Variants in ARHGAP39 observed in about 807,000 individuals in gnomAD.
ARHGAP39 encodes the protein Rho GTPase activating protein 39.
ARHGAP39 carries 44 observed loss-of-function variants against 106.9 expected under a neutral mutation model. The ratio of observed to expected loss-of-function variants is 0.41; its 90% CI spans 0.32 to 0.53. ARHGAP39 has a LOEUF of 0.53. Among genes scored for constraint, ARHGAP39 ranks in the 20% least tolerant of loss-of-function variants. The pLI is 0.21. For synonymous variants in ARHGAP39, 768 were observed against 693.2 expected (o/e 1.11, Z -1.69); for missense variants, 1,496 against 1,577.3 (o/e 0.95, Z 0.87).
At chr8:144,686,688 C>T (rs552818015), upstream of ARHGAP39, among the ~76,000 whole-genome samples, 2 of 152,322 alleles carry the variant, frequency 1.3e-5, no homozygotes, top group South Asian at 4.1e-4. Context: ...TCGCCGCCCG[C>T]GCTTCCCTGT....
upstream of ARHGAP39, among the ~76,000 whole-genome samples, chr8:144,688,728 G>C (rs1345958636): frequency 2.0e-5 from 3 of 152,142 alleles, no homozygotes; most frequent in Non-Finnish European, 2.9e-5. Flanking sequence ...GTCTCAGAAA[G>C]TAAAACAATA....
chr8:144,673,548 C>G (rs1386876939), intron 1 of ARHGAP39, among the ~76,000 whole-genome samples: 4 of 152,262 alleles, frequency 2.6e-5, no homozygotes, highest in African/African-American at 9.6e-5. Context: ...CTGTCATCCC[C>G]TAGCCCTTGG....
intron 2 of ARHGAP39, among the ~76,000 whole-genome samples, chr8:144,594,682 G>A (rs1333799031): frequency 1.2e-4 from 16 of 132,548 alleles, no homozygotes; most frequent in African/African-American, 4.3e-4. Context: ...CAACAAAAGC[G>A]AAACGCCACC....
At chr8:144,618,852 C>A (rs1048329041) in intron 1 of ARHGAP39, among the ~76,000 whole-genome samples, 8 of 152,260 alleles carry the variant, frequency 5.3e-5, no homozygotes, top group Non-Finnish European at 1.0e-4. Flanking sequence ...GTGAGCAGGA[C>A]CGCGGGCGCA....
rs1284976026 is a variant in ARHGAP39 at position 144,646,747 on chromosome 8, G to A, written c.-82+38939C>T. Among the ~76,000 whole-genome samples, 2 of 152,212 alleles carry A rather than the reference G, an allele frequency of 1.3e-5. No individual in the cohort carries two copies. Among genetic ancestry groups the A allele is most frequent in the African/African-American group, 2.4e-5 (1 of 41,460 alleles). On this transcript the variant is annotated intron_variant, in intron 1 of 11. Coordinates refer to ENST00000377307, the MANE Select transcript of ARHGAP39 (RefSeq NM_025251.3). This position sits in a 1 kb window ranked among gnomAD's most constrained non-coding sequence, Gnocchi z 5.7. ...ACCTGCAGGAGACAGCCTGGTCCTG[G>A]TGAGACCCTCGCTGGGCCCAGAGTC...
rs575686736 is a variant in ARHGAP39, at chr8:144,624,186, G to C, written c.-81-18491C>G. Among the ~76,000 whole-genome samples the C allele has an allele frequency of 5.9e-5, 9 of 152,328 alleles. No individual in the cohort carries two copies. The East Asian group carries it at 1.7e-3, about 29-fold the overall frequency. On this transcript the variant is annotated intron_variant, in intron 1 of 11. Transcript: ENST00000377307. ...CTGTAAGCCACACCCACCTGCACCT[G>C]TGCCTGCCATGTTAGCCCCAGTGAC...
intron 1 of ARHGAP39, among the ~76,000 whole-genome samples, chr8:144,627,693 G>A (rs1820961128): frequency 6.6e-6 from 1 of 152,198 alleles, no homozygotes; most frequent in Non-Finnish European, 1.5e-5. Context: ...AGGAGGTTGA[G>A]GCTACAGTGA....
intron 8 of ARHGAP39, among the ~76,000 whole-genome samples, chr8:144,533,841 C>A (rs967440141): frequency 4.6e-5 from 7 of 151,956 alleles, no homozygotes; most frequent in Non-Finnish European, 8.8e-5. Context: ...GCTCTTGGGA[C>A]AGGTCCAGGG....
chr8:144,672,170 G>A (rs1228838062), intron 1 of ARHGAP39, among the ~76,000 whole-genome samples: 3 of 152,350 alleles, frequency 2.0e-5, no homozygotes, highest in East Asian at 1.9e-4. Flanking sequence ...AATAGAAACA[G>A]CACCTAGAGT....
chr8:144,685,255 TCACA>T (rs1344290350), intron 1 of ARHGAP39, among the ~76,000 whole-genome samples: 13 of 129,178 alleles, frequency 1.0e-4, no homozygotes, highest in African/African-American at 2.4e-4. Flanking sequence ...AGGGGCACAC[TCACA>T]CTCACTCTGG....
intron 1 of ARHGAP39, among the ~76,000 whole-genome samples, chr8:144,616,054 C>T (rs949818053): frequency 2.0e-5 from 3 of 152,236 alleles, no homozygotes; most frequent in Admixed American, 6.5e-5. Context: ...ACGGAAAGGA[C>T]GGTGCTGGTT....
intron 6 of ARHGAP39, among the ~76,000 whole-genome samples, chr8:144,539,160 C>T (rs2360220): frequency 0.03 from 4,518 of 152,242 alleles, 198 homozygotes; most frequent in African/African-American, 0.098. Context: ...TGCCAGGAAA[C>T]CACTGCTTGC....
In ARHGAP39 at chr8:144,545,486, C is replaced by T. The variant is rs369180270; in HGVS notation, c.2284G>A (p.Asp762Asn). ...ACCTCCAGGGCCACGTGCAGTGGGT[C>T]GGCCTTGGCCCGCCGGTCACCCATG... The part of the protein sequence containing the change: ...MYMGDRRAKA[D>N]PLHVALEVAT... The change falls in exon 6 of 12, where the codon GAC becomes AAC. Residue 762 changes from aspartate to asparagine, a missense_variant. Coordinates refer to ENST00000377307, the MANE Select transcript of ARHGAP39 (RefSeq NM_025251.3). The T allele has an allele frequency of 2.7e-5, 44 of 1,602,870 alleles. No homozygotes were observed. The highest frequency in any genetic ancestry group is 4.0e-5 in the African/African-American group (3 of 74,704).
At chr8:144,556,146 G>A (rs1378597609) in intron 3 of ARHGAP39, among the ~76,000 whole-genome samples, 4 of 151,944 alleles carry the variant, frequency 2.6e-5, no homozygotes, top group Admixed American at 6.6e-5. Flanking sequence ...TTAGCCAGGC[G>A]TGGTGGCGGG....
rs1440968388 is a variant in ARHGAP39, at chr8:144,679,008, G to T, written c.-82+6678C>A. 6.6e-6 allele frequency among the ~76,000 whole-genome samples: 1 copy of T among 152,086 alleles called. No individual in the cohort carries two copies. The highest frequency in any genetic ancestry group is 2.4e-5 in the African/African-American group (1 of 41,454). ...AGAGGACCTGGAGCCGTACCACATG[G>T]CAGCTGAGAGGGGGACCCAGCACGC... On this transcript the variant is annotated intron_variant, in intron 1 of 11. Transcript: ENST00000377307. This position sits in a 1 kb window ranked among gnomAD's most constrained non-coding sequence, Gnocchi z 4.7.
chr8:144,627,320 C>T (rs1189349086), intron 1 of ARHGAP39, among the ~76,000 whole-genome samples: 2 of 152,142 alleles, frequency 1.3e-5, no homozygotes, highest in Admixed American at 1.3e-4. Flanking sequence ...TTTTGGGAGG[C>T]CGAGGCAGGT....
intron 6 of ARHGAP39, among the ~76,000 whole-genome samples, chr8:144,541,971 GTTT>G (rs59286612): frequency 6.8e-6 from 1 of 146,872 alleles, no homozygotes; most frequent in African/African-American, 2.5e-5. Context: ...TCCTTTCTGG[GTTT>G]TTTTTTTTTG....
intron 1 of ARHGAP39, among the ~76,000 whole-genome samples, chr8:144,642,727 T>C (rs1372866175): frequency 6.6e-6 from 1 of 152,174 alleles, no homozygotes; most frequent in Admixed American, 6.5e-5. Context: ...GTACACACTC[T>C]CTTGCTTCCC....
At chr8:144,662,482 C>T (rs1195667908) in intron 1 of ARHGAP39, among the ~76,000 whole-genome samples, 1 of 150,890 alleles carries the variant, frequency 6.6e-6, no homozygotes, top group Admixed American at 6.6e-5. Flanking sequence ...TCCTCCCCTC[C>T]CCATTATCCA....
Sources: allele counts gnomAD v4.1 joint callset (sites outside exome capture counted in the v4.1 genomes callset), GRCh38; gene constraint gnomAD v4.1.1; non-coding constraint Gnocchi (gnomAD v3.1); transcripts MANE v1.5; gene names NCBI Gene and HGNC (gene_info 2026-07-23, HGNC 2026-07-21).